FAF1: variants seen among roughly 807,000 people sequenced by gnomAD.
The protein encoded by FAF1 is Fas associated factor 1, also known as FAS-associated factor 1.
FAF1 carries 25 observed loss-of-function variants against 92.5 expected under a neutral mutation model. That is an observed-to-expected ratio of 0.27 (90% CI 0.20 to 0.38). The LOEUF (loss-of-function observed/expected upper bound fraction) is 0.38. Among genes scored for constraint, FAF1 ranks in the 10% least tolerant of loss-of-function variants. The pLI is 1.00. For missense variants in FAF1, 636 were observed against 793.3 expected, an observed-to-expected ratio of 0.80 and a Z score of 2.38; for synonymous variants, 234 against 273.2, an observed-to-expected ratio of 0.86 and a Z score of 1.42.
intron 8 of FAF1, among the ~76,000 whole-genome samples, chr1:50,611,875 G>A (rs937808557): frequency 2.6e-5 from 4 of 152,138 alleles, no homozygotes; most frequent in South Asian, 4.1e-4. Context: ...TGCACAGGCT[G>A]GAGGACACAA....
intron 13 of FAF1, among the ~76,000 whole-genome samples, chr1:50,560,820 TTACTGGTTAA>T (rs2149052355): frequency 6.6e-6 from 1 of 152,362 alleles, no homozygotes; most frequent in East Asian, 1.9e-4. Context: ...AACCCACTTA[TTACTGGTTAA>T]TACTGGTGGT....
At chr1:50,532,010 A>C (rs1267604097) in intron 15 of FAF1, among the ~76,000 whole-genome samples, 1 of 152,176 alleles carries the variant, frequency 6.6e-6, no homozygotes, top group East Asian at 1.9e-4. Context: ...TTTAAAAATA[A>C]AGGCAAATTC....
At chr1:50,672,242 T>G (rs1396335309) in intron 7 of FAF1, among the ~76,000 whole-genome samples, 1 of 151,948 alleles carries the variant, frequency 6.6e-6, no homozygotes, top group Non-Finnish European at 1.5e-5. Context: ...AGACGGGGTT[T>G]ATCTTGGCCA....
rs901946082 is a variant in FAF1 at position 50,614,251 on chromosome 1, A to G, written c.745-18035T>C. 3.9e-5 allele frequency among the ~76,000 whole-genome samples: 6 copies of G among 152,350 alleles called. No homozygotes were observed. The East Asian group carries it at 7.7e-4, about 20-fold the overall frequency. On this transcript the variant is annotated intron_variant, in intron 8 of 18. Transcript: ENST00000396153. ...ATTCTATGGGCAGACTCATACCTGC[A>G]GCACTTATTTACGTCAATGCCACAA...
chr1:50,822,767 TTTCTTTC>T (rs1362523332), intron 2 of FAF1, among the ~76,000 whole-genome samples: 12 of 146,844 alleles, frequency 8.2e-5, no homozygotes, highest in South Asian at 2.1e-4. Context: ...TCTTTCTTTC[TTTCTTTC>T]TTTTTTTTTT....
chr1:50,744,323 C>T (rs1015741249), intron 5 of FAF1, among the ~76,000 whole-genome samples: 7 of 152,096 alleles, frequency 4.6e-5, no homozygotes, highest in African/African-American at 1.7e-4. Context: ...TGACTTCTTT[C>T]GGACCAATAT....
At chr1:50,926,745 C>A (rs1287369664) in intron 1 of FAF1, among the ~76,000 whole-genome samples, 1 of 152,122 alleles carries the variant, frequency 6.6e-6, no homozygotes, top group Non-Finnish European at 1.5e-5. Context: ...ACCGTATGAT[C>A]CAGTAACTGC....
At chr1:50,848,196 C>T (rs1644318304) in intron 2 of FAF1, among the ~76,000 whole-genome samples, 1 of 151,918 alleles carries the variant, frequency 6.6e-6, no homozygotes, top group South Asian at 2.1e-4. Context: ...ATTAACTTTC[C>T]CCCCACATTT....
chr1:50,865,744 C>T (rs1376658076), intron 1 of FAF1, among the ~76,000 whole-genome samples: 2 of 133,354 alleles, frequency 1.5e-5, no homozygotes, highest in African/African-American at 2.9e-5. Flanking sequence ...TGCTAAATGA[C>T]GAGTTAATGG....
At chr1:50,475,184 G>T (rs1646623539) in intron 18 of FAF1, among the ~76,000 whole-genome samples, 1 of 152,214 alleles carries the variant, frequency 6.6e-6, no homozygotes, top group African/African-American at 2.4e-5. Flanking sequence ...ATACAGATGA[G>T]ACATCAGCAA....
intron 4 of FAF1, among the ~76,000 whole-genome samples, chr1:50,754,665 A>T (rs955881037): frequency 5.3e-5 from 8 of 152,330 alleles, no homozygotes; most frequent in African/African-American, 1.7e-4. Flanking sequence ...TCAGTATCAA[A>T]CAAATGCTGA....
rs1165873753 is a variant in FAF1 at position 50,959,968 on chromosome 1, C to G, written c.-157G>C. 1 of 395,290 alleles carries G rather than the reference C, an allele frequency of 2.5e-6. No individual in the cohort carries two copies. Among genetic ancestry groups the G allele is most frequent in the East Asian group, 3.9e-5 (1 of 25,538 alleles). The allele number at this position is 395,290 out of a possible 1,614,324, so 24.5% of individuals were successfully genotyped here. On this transcript the variant is annotated 5_prime_UTR_variant, in exon 1 of 19. Transcript: ENST00000396153. ...CGGGTCGGCGGGCCAGCGGGCGGGG[C>G]AGCGCGGGAAGCGCTAGGCGCTCAT...
Position 50,543,132 on chromosome 1 carries a change from G to T in FAF1, c.1269-3404C>A, listed in dbSNP as rs559525778. Among the ~76,000 whole-genome samples, 14 of 152,178 alleles carry T rather than the reference G, an allele frequency of 9.2e-5. No individual in the cohort carries two copies. In the East Asian group the frequency reaches 1.7e-3, roughly 19 times the overall value. ...TTTCTATCTTGTTAACGGAAACCAGGATTACTAATAAATCAGATATGGCAA... is the reference window on the plus strand; with the variant it reads ...TTTCTATCTTGTTAACGGAAACCAGTATTACTAATAAATCAGATATGGCAA... On this transcript the variant is annotated intron_variant, in intron 13 of 18. Transcript: ENST00000396153.
At chr1:50,850,869 T>C (rs1361618168) in intron 2 of FAF1, among the ~76,000 whole-genome samples, 2 of 152,190 alleles carry the variant, frequency 1.3e-5, no homozygotes, top group Non-Finnish European at 2.9e-5. Context: ...CACTGATTTA[T>C]GTCAGCTGAT....
chr1:50,852,593 G>T (rs775021077), intron 2 of FAF1, among the ~76,000 whole-genome samples: 8 of 152,096 alleles, frequency 5.3e-5, no homozygotes, highest in Non-Finnish European at 7.4e-5. Context: ...TACTAGGTAG[G>T]GAAAATGTGA....
At chr1:50,951,028 C>T (rs1645210330) in intron 1 of FAF1, among the ~76,000 whole-genome samples, 2 of 152,166 alleles carry the variant, frequency 1.3e-5, no homozygotes, top group Admixed American at 6.5e-5. Context: ...GTCAGGAGTT[C>T]GAGACCAGAC....
At chr1:50,794,429 C>A (rs1233107482) in intron 3 of FAF1, among the ~76,000 whole-genome samples, 3 of 152,166 alleles carry the variant, frequency 2.0e-5, no homozygotes, top group African/African-American at 7.2e-5. Context: ...TGTTGTACTA[C>A]GTTCACCACT....
At chr1:50,515,431 T>C (rs192657576) in intron 15 of FAF1, among the ~76,000 whole-genome samples, 4 of 152,232 alleles carry the variant, frequency 2.6e-5, no homozygotes, top group South Asian at 4.1e-4. Flanking sequence ...TACAGGAAAT[T>C]TGTGAAAACA....
At chr1:50,866,382 T>C (rs1644481945) in intron 1 of FAF1, among the ~76,000 whole-genome samples, 1 of 151,786 alleles carries the variant, frequency 6.6e-6, no homozygotes, top group Non-Finnish European at 1.5e-5. Context: ...TCCAAACCAG[T>C]AAAGAGGAAG....
Sources: allele counts gnomAD v4.1 joint callset (sites outside exome capture counted in the v4.1 genomes callset), GRCh38; gene constraint gnomAD v4.1.1; transcripts MANE v1.5; gene names NCBI Gene and HGNC (gene_info 2026-07-23, HGNC 2026-07-21).